The following CHL1 variants were observed in gnomAD, a reference collection of about 807,000 sequenced individuals.
CHL1 encodes the protein neural cell adhesion molecule L1-like protein.
Under a neutral mutation model 141.9 loss-of-function variants are expected in CHL1, and 96 were observed. The ratio of observed to expected loss-of-function variants is 0.68; its 90% CI spans 0.57 to 0.80. The LOEUF (loss-of-function observed/expected upper bound fraction) is 0.80, where lower values mean the gene tolerates loss of function less well. Ranked by LOEUF, CHL1 falls within the 30% of genes least tolerant of loss-of-function variation. CHL1 has a pLI of 0.00. For missense variants in CHL1, 1,820 were observed against 1,457.2 expected, an observed-to-expected ratio of 1.25 and a Z score of -4.05; for synonymous variants, 613 against 502.2, an observed-to-expected ratio of 1.22 and a Z score of -2.95.
intron 11 of CHL1, 112 bp downstream of exon 11, chr3:354,883 G>A: frequency 7.8e-7 from 1 of 1,283,444 alleles, no homozygotes; most frequent in Non-Finnish European, 1.1e-6. Context: ...TAGCAGGACA[G>A]ATACAACCAG....
At chr3:223,348 A>G (rs11710848) in intron 1 of CHL1, among the ~76,000 whole-genome samples, 32,268 of 152,152 alleles carry the variant, frequency 0.21, 3,730 homozygotes, top group Middle Eastern at 0.41. Context: ...CATCCTCTAA[A>G]TATTATCTTA....
At chr3:347,940 A>T (rs559357019) in intron 9 of CHL1, among the ~76,000 whole-genome samples, 27 of 152,330 alleles carry the variant, frequency 1.8e-4, no homozygotes, top group African/African-American at 5.8e-4. Flanking sequence ...ATATATAGAG[A>T]TTAAAGAGCC....
chr3:219,203 A>G (rs1479796968), intron 1 of CHL1, among the ~76,000 whole-genome samples: 1 of 152,058 alleles, frequency 6.6e-6, no homozygotes, highest in Non-Finnish European at 1.5e-5. Context: ...GAGAAAAAGG[A>G]AGAGAAAGTA....
intron 15 of CHL1, among the ~76,000 whole-genome samples, chr3:369,240 T>C (rs968878115): frequency 6.6e-6 from 1 of 151,908 alleles, no homozygotes; most frequent in Admixed American, 6.6e-5. Flanking sequence ...ATGGGATTTT[T>C]TTTTTTCATT....
intron 5 of CHL1, among the ~76,000 whole-genome samples, chr3:334,966 A>G (rs1007890251): frequency 1.1e-4 from 16 of 152,246 alleles, no homozygotes; most frequent in South Asian, 6.2e-4. Context: ...TAACACTGCA[A>G]TTTGCACATG....
chr3:276,005 A>T (rs17334011), intron 2 of CHL1, among the ~76,000 whole-genome samples: 7,758 of 152,092 alleles, frequency 0.051, 266 homozygotes, highest in South Asian at 0.1. Context: ...TTAAGAAGGT[A>T]ATTTTTGTTC....
At chr3:405,221 G>C (rs982835590) in intron 27 of CHL1, among the ~76,000 whole-genome samples, 3 of 152,140 alleles carry the variant, frequency 2.0e-5, no homozygotes, top group African/African-American at 7.2e-5. Context: ...TCCTACAGAA[G>C]CTAAGCTGCT....
In CHL1 at chr3:353,506, T is replaced by G. The variant is rs562327807; in HGVS notation, c.1034-1134T>G. ...AGTACAGCTTATGAATACAGATATT[T>G]AACTTGGAATTTAACAATTAAGTCC... On this transcript the variant is annotated intron_variant, in intron 10 of 27. Coordinates refer to ENST00000256509, the MANE Select transcript of CHL1 (RefSeq NM_006614.4). Among the ~76,000 whole-genome samples the G allele has an allele frequency of 8.5e-5, 13 of 152,318 alleles. No individual in the cohort carries two copies. The South Asian group carries it at 2.7e-3, about 32-fold the overall frequency.
intron 16 of CHL1, among the ~76,000 whole-genome samples, chr3:381,733 C>T (rs1311632433): frequency 3.9e-5 from 6 of 151,982 alleles, no homozygotes; most frequent in African/African-American, 7.2e-5. Flanking sequence ...TCCCTTTAGG[C>T]CCTCAGGAAG....
chr3:361,546 T>A (rs1704252054), intron 12 of CHL1, among the ~76,000 whole-genome samples, 153 bp from the exon 13 acceptor site: 1 of 152,224 alleles, frequency 6.6e-6, no homozygotes, highest in Non-Finnish European at 1.5e-5. Flanking sequence ...TTCAAAAATG[T>A]ATTGAATTGG....
rs561246136 is a variant in CHL1 at position 297,737 on chromosome 3, C to T, written c.-94-21946C>T. 7.9e-5 allele frequency among the ~76,000 whole-genome samples: 12 copies of T among 152,316 alleles called. No individual in the cohort carries two copies. The South Asian group carries it at 1.7e-3, about 21-fold the overall frequency. On this transcript the variant is annotated intron_variant, in intron 2 of 27. Transcript: ENST00000256509. Reference sequence around the variant, plus strand: ...TTGCTTTGTATCCCATGGAGATGATCTGAGCTTAAGCTTTTGTTAGCTTCA... The same window carrying T: ...TTGCTTTGTATCCCATGGAGATGATTTGAGCTTAAGCTTTTGTTAGCTTCA...
intron 1 of CHL1, among the ~76,000 whole-genome samples, chr3:225,372 C>G (rs895969471): frequency 1.3e-5 from 2 of 152,116 alleles, no homozygotes; most frequent in South Asian, 2.1e-4. Context: ...ACAAACTGTC[C>G]TTTATTTGAT....
chr3:326,088 G>C, intron 4 of CHL1, 24 bp downstream of exon 4: 2 of 1,466,026 alleles, frequency 1.4e-6, no homozygotes, highest in East Asian at 4.6e-5. Flanking sequence ...CAAACGAAGT[G>C]GTTCTTTAAA....
At chr3:263,529 A>G (rs1231891044) in intron 2 of CHL1, among the ~76,000 whole-genome samples, 2 of 152,206 alleles carry the variant, frequency 1.3e-5, no homozygotes, top group East Asian at 3.8e-4. Flanking sequence ...CAGTGATGAG[A>G]TGTGGTGCAT....
rs1700945946 is a variant in CHL1 at position 325,651 on chromosome 3, A to G, written c.92-308A>G. Among the ~76,000 whole-genome samples, 3 of 152,170 alleles carry G rather than the reference A, an allele frequency of 2.0e-5. No homozygotes were observed. In the South Asian group the frequency reaches 6.2e-4, roughly 32 times the overall value. On this transcript the variant is annotated intron_variant, in intron 3 of 27. Transcript: ENST00000256509. ...GCATGCTAACATAGATTGAATGCCA[A>G]TAATTTTAATAATATATATTTTTAA...
intron 27 of CHL1, 41 bp from the exon 28 acceptor site, chr3:405,454 A>G (rs921112444): frequency 6.2e-6 from 8 of 1,287,204 alleles, no homozygotes; most frequent in South Asian, 6.1e-5. Flanking sequence ...GAATATTAAT[A>G]TTAGATTTTG....
At position 328,295 on chromosome 3, in the gene CHL1, G is replaced by A; in HGVS notation, c.326G>A (p.Cys109Tyr). The A allele has an allele frequency of 6.2e-7, 1 of 1,612,294 alleles. No individual in the cohort carries two copies. Among genetic ancestry groups the A allele is most frequent in the South Asian group, 1.1e-5 (1 of 90,928 alleles). ...TCTCACTTTCAAGGGAAATACCGCT[G>A]CTTTGCTTCAAATAAACTGGGAATC... ...HISHFQGKYR[C>Y]FASNKLGIAM... The change falls in exon 5 of 28, where the codon TGC (cysteine) becomes TAC (tyrosine). Residue 109 changes from cysteine to tyrosine, a missense_variant. By Grantham distance (194) the Cys-to-Tyr change is radical. Transcript: ENST00000256509.
At chr3:276,706 G>T (rs879666005) in intron 2 of CHL1, among the ~76,000 whole-genome samples, 2 of 151,690 alleles carry the variant, frequency 1.3e-5, no homozygotes, top group African/African-American at 2.4e-5. Flanking sequence ...TGGCTAACAG[G>T]GTGAAATCCC....
At chr3:351,703 T>C (rs1703277475) in intron 10 of CHL1, among the ~76,000 whole-genome samples, 1 of 152,176 alleles carries the variant, frequency 6.6e-6, no homozygotes, top group South Asian at 2.1e-4. Flanking sequence ...TCGATTGGAT[T>C]CTTTCTGTAT....
Sources: gnomAD v4.1 joint callset for allele counts (sites outside exome capture counted in the v4.1 genomes callset) on GRCh38, gnomAD v4.1.1 for gene constraint, MANE v1.5 for transcripts, NCBI Gene and HGNC (gene_info 2026-07-23, HGNC 2026-07-21) for gene names.